The following SLC16A10 variants were observed in gnomAD, a reference collection of about 807,000 sequenced individuals.
The protein encoded by SLC16A10 is solute carrier family 16 member 10.
A neutral mutation model predicts 40.0 loss-of-function variants in SLC16A10; 27 were observed. The observed-to-expected ratio is 0.67, with a 90% CI of 0.50 to 0.93. The LOEUF (loss-of-function observed/expected upper bound fraction) is 0.93. Among genes scored for constraint, SLC16A10 ranks in the 40% least tolerant of loss-of-function variants. SLC16A10 has a pLI of 0.00. For synonymous variants in SLC16A10, 213 were observed against 249.8 expected, an observed-to-expected ratio of 0.85 and a Z score of 1.39; for missense variants, 529 against 658.2, an observed-to-expected ratio of 0.80 and a Z score of 2.15.
chr6:111,193,391 T>C (rs1447846316), intron 3 of SLC16A10: 1 of 865,154 alleles, frequency 1.2e-6, no homozygotes, highest in African/African-American at 1.8e-5. Flanking sequence ...TTCTCCTACT[T>C]GAGATGAATA....
chr6:111,140,562 A>G (rs1043442357), intron 1 of SLC16A10, among the ~76,000 whole-genome samples: 1 of 152,130 alleles, frequency 6.6e-6, no homozygotes, highest in Non-Finnish European at 1.5e-5. Flanking sequence ...CTTCTAAAGT[A>G]CTCACATACC....
Position 111,206,579 on chromosome 6 carries a change from C to G in SLC16A10, c.943-13C>G, listed in dbSNP as rs1374090348. 6.8e-6 allele frequency: 11 copies of G among 1,613,814 alleles called. No homozygotes were observed. The highest frequency in any genetic ancestry group is 9.3e-6 in the Non-Finnish European group (11 of 1,179,884). On this transcript the variant is annotated splice_polypyrimidine_tract_variant and intron_variant, in intron 3 of 5. Transcript: ENST00000368851. ...ACCATATTCAGTGTGGTTTCTTTCT[C>G]TTTGGCCTATAGATGAAACATGTAA...
intron 1 of SLC16A10, among the ~76,000 whole-genome samples, chr6:111,152,129 TC>T (rs1483464640): frequency 1.3e-5 from 2 of 152,164 alleles, no homozygotes; most frequent in Non-Finnish European, 2.9e-5. Flanking sequence ...AAGCTATATA[TC>T]CCCTTCCTGT....
intron 4 of SLC16A10, among the ~76,000 whole-genome samples, chr6:111,211,562 G>C (rs1449665016): frequency 1.3e-5 from 2 of 152,218 alleles, no homozygotes; most frequent in Non-Finnish European, 2.9e-5. Context: ...TGAGTCACAG[G>C]TGTGACAGCT....
chr6:111,090,742 T>C (rs1398833874), intron 1 of SLC16A10, among the ~76,000 whole-genome samples: 3 of 152,238 alleles, frequency 2.0e-5, no homozygotes, highest in Non-Finnish European at 4.4e-5. Context: ...CACTTTGATA[T>C]TCGAATGCTG....
intron 1 of SLC16A10, among the ~76,000 whole-genome samples, chr6:111,172,079 T>C (rs79851096): frequency 2.6e-5 from 4 of 152,352 alleles, no homozygotes; most frequent in Non-Finnish European, 5.9e-5. Context: ...CTGAAGTTTA[T>C]ATACACTTTC....
chr6:111,183,977 T>A (rs977036428), intron 3 of SLC16A10, among the ~76,000 whole-genome samples: 1 of 148,576 alleles, frequency 6.7e-6, no homozygotes, highest in Non-Finnish European at 1.5e-5. Flanking sequence ...AATATGACAA[T>A]GATAAATGCC....
chr6:111,133,234 C>A (rs770296924), intron 1 of SLC16A10, among the ~76,000 whole-genome samples: 7 of 152,082 alleles, frequency 4.6e-5, no homozygotes, highest in Non-Finnish European at 8.8e-5. Context: ...GTGAGTGCAA[C>A]TAATCTGATA....
At chr6:111,104,892 G>C (rs1771253704) in intron 1 of SLC16A10, among the ~76,000 whole-genome samples, 2 of 149,960 alleles carry the variant, frequency 1.3e-5, no homozygotes, top group Admixed American at 1.3e-4. Context: ...TCTTAGCTTT[G>C]GTCTTAAAAA....
At chr6:111,168,083 G>C (rs1772511502) in intron 1 of SLC16A10, among the ~76,000 whole-genome samples, 1 of 151,860 alleles carries the variant, frequency 6.6e-6, no homozygotes, top group South Asian at 2.1e-4. Flanking sequence ...AGATTCAAGC[G>C]ATTCTCATTA....
At chr6:111,106,549 T>C (rs1483634211) in intron 1 of SLC16A10, among the ~76,000 whole-genome samples, 2 of 152,230 alleles carry the variant, frequency 1.3e-5, no homozygotes, top group African/African-American at 4.8e-5. Flanking sequence ...TGGAAGAACG[T>C]CAAGGCAATG....
intron 3 of SLC16A10, chr6:111,178,694 A>G (rs1021923631): frequency 4.6e-6 from 1 of 218,032 alleles, no homozygotes; most frequent in South Asian, 6.2e-5. Flanking sequence ...AATGATAAAA[A>G]TGGCATTGGC....
At chr6:111,136,323 TGAGTAA>T (rs1315930001) in intron 1 of SLC16A10, among the ~76,000 whole-genome samples, 2 of 152,214 alleles carry the variant, frequency 1.3e-5, no homozygotes, top group Non-Finnish European at 2.9e-5. Context: ...ATGGCATACC[TGAGTAA>T]GGAAATTGAT....
At chr6:111,204,903 G>C (rs1486726455) in intron 3 of SLC16A10, among the ~76,000 whole-genome samples, 1 of 151,902 alleles carries the variant, frequency 6.6e-6, no homozygotes, top group African/African-American at 2.4e-5. Context: ...TTATTTCGCT[G>C]AGCCCTTAGA....
Position 111,140,587 on chromosome 6 carries a change from G to T in SLC16A10, c.344-32108G>T, listed in dbSNP as rs138853131. Among the ~76,000 whole-genome samples the T allele has an allele frequency of 5.7e-3, 867 of 152,260 alleles. 5 individuals carry two copies. Among genetic ancestry groups the T allele is most frequent in the Non-Finnish European group, 9.3e-3 (630 of 68,016 alleles). On this transcript the variant is annotated intron_variant, in intron 1 of 5. Transcript: ENST00000368851. ...ACTCACATACCCTATGTCTATGGAG[G>T]TATGTCAGTGGAGGCTAAGGTATGC...
intron 1 of SLC16A10, among the ~76,000 whole-genome samples, chr6:111,123,108 A>C (rs1387902334): frequency 3.3e-5 from 5 of 152,204 alleles, no homozygotes; most frequent in Non-Finnish European, 7.3e-5. Flanking sequence ...GTATGTTTTT[A>C]TCGTCAGGTG....
intron 1 of SLC16A10, among the ~76,000 whole-genome samples, chr6:111,136,923 CAGCA>C (rs1203895943): frequency 6.6e-6 from 1 of 152,194 alleles, no homozygotes; most frequent in Non-Finnish European, 1.5e-5. Context: ...CATGCTCACG[CAGCA>C]ATATGGAGAG....
rs1462775153 is a variant in SLC16A10 at position 111,180,415 on chromosome 6, G to T, written c.942+2750G>T. Among the ~76,000 whole-genome samples the T allele has an allele frequency of 2.0e-5, 3 of 152,156 alleles. No homozygotes were observed. In the East Asian group the frequency reaches 5.8e-4, roughly 29 times the overall value. ...TTTAAAAAAATTATCTGGGCATGGT[G>T]GTGCATGCCTGTGGTCCCAGCTACT... On this transcript the variant is annotated intron_variant, in intron 3 of 5. Transcript: ENST00000368851.
chr6:111,111,385 T>G (rs112753667), intron 1 of SLC16A10, among the ~76,000 whole-genome samples: 1 of 152,182 alleles, frequency 6.6e-6, no homozygotes, highest in Non-Finnish European at 1.5e-5. Context: ...ATTTTTGTGG[T>G]GAGAACATTT....
Sources: gnomAD v4.1 joint callset for allele counts (sites outside exome capture counted in the v4.1 genomes callset) on GRCh38, gnomAD v4.1.1 for gene constraint, MANE v1.5 for transcripts, NCBI Gene and HGNC (gene_info 2026-07-23, HGNC 2026-07-21) for gene names.